Variants in MCC observed in about 807,000 individuals in gnomAD.
The protein encoded by MCC is MCC regulator of Wnt signaling pathway.
In MCC, 90 loss-of-function variants were observed where a neutral mutation model predicts 116.2. The observed-to-expected ratio is 0.77, with a 90% CI of 0.65 to 0.92. The LOEUF (loss-of-function observed/expected upper bound fraction) is 0.92. Ranked by LOEUF, MCC falls within the 40% of genes least tolerant of loss-of-function variation. The probability of loss-of-function intolerance (pLI) is 0.00; values close to 1 mark genes in which losing one functional copy is unlikely to be tolerated. For missense variants in MCC, 1,516 were observed against 1,312.2 expected, an observed-to-expected ratio of 1.16 and a Z score of -2.40; for synonymous variants, 578 against 510.5, an observed-to-expected ratio of 1.13 and a Z score of -1.78.
At chr5:113,442,481 C>G (rs1771070689) in intron 1 of MCC, among the ~76,000 whole-genome samples, 2 of 152,224 alleles carry the variant, frequency 1.3e-5, no homozygotes, top group South Asian at 4.1e-4. Context: ...TTCTTTTGCC[C>G]TGCAGAAGCT....
chr5:113,382,994 A>G (rs985899829), intron 2 of MCC, among the ~76,000 whole-genome samples: 6 of 152,190 alleles, frequency 3.9e-5, no homozygotes, highest in Admixed American at 2.0e-4. Flanking sequence ...AAGGTTATAT[A>G]AAAGGATGAA....
chr5:113,484,947 T>A (rs1399558395), intron 1 of MCC, among the ~76,000 whole-genome samples: 2 of 152,212 alleles, frequency 1.3e-5, no homozygotes, highest in Non-Finnish European at 2.9e-5. Context: ...GTGGTCTCAC[T>A]CTGCTGCCCA....
At chr5:113,481,583 A>C (rs1561594698) in intron 1 of MCC, among the ~76,000 whole-genome samples, 1 of 151,726 alleles carries the variant, frequency 6.6e-6, no homozygotes, top group African/African-American at 2.4e-5. Context: ...CTAAAAATAC[A>C]AAAAAATTAG....
At chr5:113,328,492 T>C (rs937900519) in intron 3 of MCC, among the ~76,000 whole-genome samples, 2 of 152,194 alleles carry the variant, frequency 1.3e-5, no homozygotes, top group Non-Finnish European at 1.5e-5. Flanking sequence ...CTAATGGTTT[T>C]CCTCTTCACT....
intron 3 of MCC, among the ~76,000 whole-genome samples, chr5:113,246,901 A>G (rs549497094): frequency 9.8e-5 from 15 of 152,336 alleles, no homozygotes; most frequent in African/African-American, 3.6e-4. Context: ...TTCTGAGGTC[A>G]CAGACCAGCC....
chr5:113,254,639 A>G, intron 3 of MCC, among the ~76,000 whole-genome samples: 1 of 152,194 alleles, frequency 6.6e-6, no homozygotes, highest in African/African-American at 2.4e-5. Flanking sequence ...AATTTGACCT[A>G]GATGCCCAGA....
chr5:113,104,291 G>A lies in MCC; in HGVS notation c.1092C>T (p.Cys364=), dbSNP rs911500570. ...GGCTGCAGCTGCTCTTCTTCCTGCC[G>A]CAGACAACATTCTCCAGCCCTGTCA... ...RVLTGLENVV[C]GRKKSSCSLS... is the part of the protein sequence containing the mutation. Residue 364 remains cysteine, a synonymous_variant, in exon 7 of 19, where the codon TGC becomes TGT. Transcript: ENST00000408903. 1.2e-5 allele frequency: 20 copies of A among 1,613,802 alleles called. No homozygotes were observed. Among genetic ancestry groups the A allele is most frequent in the South Asian group, 2.2e-5 (2 of 91,064 alleles).
intron 3 of MCC, among the ~76,000 whole-genome samples, chr5:113,227,085 C>A: frequency 6.6e-6 from 1 of 152,220 alleles, no homozygotes; most frequent in African/African-American, 2.4e-5. Context: ...TTTACTTTTT[C>A]GATGTGATAT....
chr5:113,373,692 TC>T (rs1768898471), intron 2 of MCC, among the ~76,000 whole-genome samples: 1 of 152,196 alleles, frequency 6.6e-6, no homozygotes, highest in Non-Finnish European at 1.5e-5. Context: ...TTTCATATTT[TC>T]CATGGGTTGG....
chr5:113,366,479 C>A (rs776476151), intron 2 of MCC, among the ~76,000 whole-genome samples: 1 of 152,096 alleles, frequency 6.6e-6, no homozygotes. Context: ...TTTAATATTT[C>A]GAGGGTAATA....
At chr5:113,156,469 G>C (rs952907105) in intron 3 of MCC, among the ~76,000 whole-genome samples, 63 of 152,184 alleles carry the variant, frequency 4.1e-4, no homozygotes, top group African/African-American at 1.5e-3. Flanking sequence ...AGAGGTGCTA[G>C]GGACACTCAG....
At chr5:113,343,364 A>G (rs937911999) in intron 2 of MCC, among the ~76,000 whole-genome samples, 3 of 152,200 alleles carry the variant, frequency 2.0e-5, no homozygotes, top group Non-Finnish European at 2.9e-5. Flanking sequence ...TTAATGTTAA[A>G]GTCTATTGAT....
intron 1 of MCC, among the ~76,000 whole-genome samples, chr5:113,448,520 G>C (rs1771286308): frequency 6.6e-6 from 1 of 152,162 alleles, no homozygotes; most frequent in African/African-American, 2.4e-5. Flanking sequence ...GATTCCCCAA[G>C]CTGACAAGCC....
intron 16 of MCC, 38 bp downstream of exon 16, chr5:113,049,055 C>A (rs1460236896): frequency 6.3e-7 from 1 of 1,596,150 alleles, no homozygotes; most frequent in Admixed American, 1.7e-5. Context: ...TGGGCAGTCA[C>A]TGAGCCTAAG....
At chr5:113,216,557 C>T (rs1298970850) in intron 3 of MCC, among the ~76,000 whole-genome samples, 1 of 152,182 alleles carries the variant, frequency 6.6e-6, no homozygotes, top group Non-Finnish European at 1.5e-5. Context: ...GTGACAGGCA[C>T]ACAGTAGCCA....
intron 3 of MCC, among the ~76,000 whole-genome samples, chr5:113,173,922 CA>C (rs1311968163): frequency 6.6e-6 from 1 of 152,176 alleles, no homozygotes; most frequent in African/African-American, 2.4e-5. Context: ...ACCACTCTAA[CA>C]GCATAACCAA....
intron 1 of MCC, among the ~76,000 whole-genome samples, chr5:113,395,547 A>ACCAGGG: frequency 6.6e-6 from 1 of 152,292 alleles, no homozygotes; most frequent in East Asian, 1.9e-4. Context: ...GTAATTGACT[A>ACCAGGG]TTCCCCTACC....
intron 15 of MCC, among the ~76,000 whole-genome samples, chr5:113,050,155 C>A (rs147805530): frequency 4.1e-4 from 62 of 152,296 alleles, no homozygotes; most frequent in South Asian, 6.2e-4. Context: ...CTGAGGCACA[C>A]AGAAGGAAAT....
At chr5:113,047,564 T>C (rs533431591) in intron 16 of MCC, among the ~76,000 whole-genome samples, 26 of 152,260 alleles carry the variant, frequency 1.7e-4, no homozygotes, top group Admixed American at 1.6e-3. Flanking sequence ...CTTTCCCAGG[T>C]ATATGGCTCT....
Sources: gnomAD v4.1 joint callset for allele counts (sites outside exome capture counted in the v4.1 genomes callset) on GRCh38, gnomAD v4.1.1 for gene constraint, MANE v1.5 for transcripts, NCBI Gene and HGNC (gene_info 2026-07-23, HGNC 2026-07-21) for gene names.